The following DTNA variants were observed in gnomAD, a reference collection of about 807,000 sequenced individuals.
DTNA encodes the protein dystrobrevin alpha.
Under a neutral mutation model 100.7 loss-of-function variants are expected in DTNA, and 43 were observed. The ratio of observed to expected loss-of-function variants is 0.43; its 90% confidence interval spans 0.33 to 0.55. The LOEUF is 0.55. DTNA is among the 20% of genes least tolerant of loss of function. DTNA has a pLI of 0.04. For missense variants in DTNA, 798 were observed against 953.9 expected (o/e 0.84, Z 2.15); for synonymous variants, 349 against 347.9 (o/e 1.00, Z -0.04).
At chr18:34,581,923 T>TGCCCC (rs988789570) in intron 1 of DTNA, among the ~76,000 whole-genome samples, 1 of 152,148 alleles carries the variant, frequency 6.6e-6, no homozygotes, top group African/African-American at 2.4e-5. Flanking sequence ...TGCCCGGCCC[T>TGCCCC]GCCCCTATTA....
chr18:34,504,435 T>C (rs1218251551), intron 1 of DTNA, among the ~76,000 whole-genome samples: 1 of 152,204 alleles, frequency 6.6e-6, no homozygotes, highest in Admixed American at 6.5e-5. Flanking sequence ...ACCATGTTCT[T>C]TTTTCTTGAT....
chr18:34,777,365 T>G (rs2094113936), intron 3 of DTNA, among the ~76,000 whole-genome samples: 1 of 152,238 alleles, frequency 6.6e-6, no homozygotes, highest in Non-Finnish European at 1.5e-5. Flanking sequence ...CAGTACCTAT[T>G]AATTTTAAAT....
At chr18:34,558,362 G>C (rs939025188) in intron 1 of DTNA, among the ~76,000 whole-genome samples, 1 of 152,194 alleles carries the variant, frequency 6.6e-6, no homozygotes, top group African/African-American at 2.4e-5. Context: ...GTAGACTGGA[G>C]CTGTTCCTAT....
chr18:34,552,839 C>G (rs1480614842), intron 1 of DTNA, among the ~76,000 whole-genome samples: 1 of 145,108 alleles, frequency 6.9e-6, no homozygotes, highest in African/African-American at 2.7e-5. Context: ...AATAAACATA[C>G]GTGTGCATGT....
chr18:34,842,236 G>A (rs1031473005), intron 13 of DTNA, among the ~76,000 whole-genome samples: 2 of 152,088 alleles, frequency 1.3e-5, no homozygotes, highest in Non-Finnish European at 2.9e-5. Context: ...CATATGACTA[G>A]GTTAAAATTG....
At chr18:34,850,842 A>G (rs1365320496) in intron 14 of DTNA, among the ~76,000 whole-genome samples, 1 of 152,210 alleles carries the variant, frequency 6.6e-6, no homozygotes, top group Non-Finnish European at 1.5e-5. Context: ...TATATATGGC[A>G]TATGATTAAT....
chr18:34,804,667 C>T (rs970344627), intron 4 of DTNA, among the ~76,000 whole-genome samples: 7 of 152,142 alleles, frequency 4.6e-5, no homozygotes, highest in Admixed American at 3.9e-4. Context: ...GTTAGTACTA[C>T]GGTGAGTCTG....
intron 4 of DTNA, among the ~76,000 whole-genome samples, chr18:34,805,829 A>G (rs1435463526): frequency 1.3e-5 from 2 of 152,134 alleles, no homozygotes; most frequent in South Asian, 2.1e-4. Context: ...GTTTAAGTAA[A>G]TTATAGAGAT....
intron 1 of DTNA, among the ~76,000 whole-genome samples, chr18:34,611,210 T>C (rs28477901): frequency 6.6e-6 from 1 of 152,192 alleles, no homozygotes; most frequent in Non-Finnish European, 1.5e-5. Flanking sequence ...AATTCTTGGA[T>C]TTTTTGGAGG....
intron 1 of DTNA, among the ~76,000 whole-genome samples, chr18:34,619,935 A>T (rs2056124786): frequency 6.6e-6 from 1 of 152,228 alleles, no homozygotes; most frequent in Non-Finnish European, 1.5e-5. Flanking sequence ...GAAAAAGTTA[A>T]TTGTATCATC....
intron 9 of DTNA, chr18:34,822,213 G>A (rs914881923): frequency 7.2e-5 from 11 of 152,134 alleles, no homozygotes; most frequent in African/African-American, 2.7e-4. Flanking sequence ...ATAAATCTGG[G>A]GAATGTCCCA....
Position 34,703,454 on chromosome 18 carries a change from G to T in DTNA, c.-1-52522G>T, listed in dbSNP as rs565692048. Reference sequence around the variant, plus strand: ...GGGATATACTTGCAAATGGTCAAGTGCCTCCCTCACAGGCTTCTCTTCCAC... The same window carrying T: ...GGGATATACTTGCAAATGGTCAAGTTCCTCCCTCACAGGCTTCTCTTCCAC... On this transcript the variant is annotated intron_variant, in intron 1 of 19. Coordinates refer to the DTNA transcript ENST00000283365. 3.9e-5 allele frequency among the ~76,000 whole-genome samples: 6 copies of T among 152,144 alleles called. No homozygotes were observed. In the South Asian group the frequency reaches 1.2e-3, roughly 32 times the overall value.
intron 3 of DTNA, among the ~76,000 whole-genome samples, chr18:34,774,945 T>A (rs2093969856): frequency 6.6e-6 from 1 of 152,208 alleles, no homozygotes; most frequent in African/African-American, 2.4e-5. Context: ...CACATATATC[T>A]CAAATCTATC....
chr18:34,646,140 G>A (rs2059809132), intron 1 of DTNA, among the ~76,000 whole-genome samples: 1 of 152,050 alleles, frequency 6.6e-6, no homozygotes. Flanking sequence ...TATTTTAAAA[G>A]GTCATCTTGA....
chr18:34,817,497 C>G (rs1419258169), intron 7 of DTNA, among the ~76,000 whole-genome samples: 1 of 151,958 alleles, frequency 6.6e-6, no homozygotes, highest in Non-Finnish European at 1.5e-5. Context: ...AGTTAACCGT[C>G]TCTTGAGGCA....
At chr18:34,841,398 C>T (rs2096265817) in intron 13 of DTNA, among the ~76,000 whole-genome samples, 1 of 152,092 alleles carries the variant, frequency 6.6e-6, no homozygotes, top group South Asian at 2.1e-4. Context: ...ATACTAGTAA[C>T]AGGAATGGTG....
chr18:34,718,843 T>C (rs929524469), intron 1 of DTNA, among the ~76,000 whole-genome samples: 1 of 152,192 alleles, frequency 6.6e-6, no homozygotes, highest in Non-Finnish European at 1.5e-5. Context: ...GGCTTGATAC[T>C]AGGAAACCTG....
At chr18:34,716,245 T>C (rs2084043079) in intron 1 of DTNA, among the ~76,000 whole-genome samples, 1 of 152,126 alleles carries the variant, frequency 6.6e-6, no homozygotes, top group Admixed American at 6.5e-5. Context: ...TGAGCTCGTA[T>C]TTCCTCTCTA....
intron 4 of DTNA, among the ~76,000 whole-genome samples, chr18:34,804,636 G>A (rs2095314142): frequency 6.6e-6 from 1 of 152,196 alleles, no homozygotes; most frequent in African/African-American, 2.4e-5. Context: ...ACCAGCAGAA[G>A]GACTGCAGGA....
Sources: gnomAD v4.1 joint callset for allele counts (sites outside exome capture counted in the v4.1 genomes callset) on GRCh38, gnomAD v4.1.1 for gene constraint, MANE v1.5 for transcripts, NCBI Gene and HGNC (gene_info 2026-07-23, HGNC 2026-07-21) for gene names.